The following ZNF138 variants were observed in gnomAD, a reference collection of about 807,000 sequenced individuals.
ZNF138 encodes zinc finger protein 138, also known as zinc finger protein 138 (clone pHZ-32).
In ZNF138, 33 loss-of-function variants were observed where a neutral mutation model predicts 33.0. The observed-to-expected ratio is 1.00, with a 90% confidence interval of 0.76 to 1.34. The LOEUF is 1.34. Ranked by LOEUF, ZNF138 falls within the 40% of genes most tolerant of loss-of-function variation. The pLI is 0.00. For synonymous variants in ZNF138, 139 were observed against 120.4 expected, an observed-to-expected ratio of 1.15 and a Z score of -1.01; for missense variants, 360 against 370.8, an observed-to-expected ratio of 0.97 and a Z score of 0.24.
intron 1 of ZNF138, among the ~76,000 whole-genome samples, chr7:64,806,737 T>C (rs902717522): frequency 6.6e-6 from 1 of 152,044 alleles, no homozygotes; most frequent in Admixed American, 6.5e-5. Context: ...AAAATTAAAC[T>C]AATAATGACA....
In ZNF138 at chr7:64,815,651, C is replaced by T. The variant is rs1788562738; in HGVS notation, c.206C>T (p.Ser69Leu). Residue 69 changes from serine to leucine, a missense_variant and splice_region_variant, in exon 3 of 4, where the codon TCA becomes TTA. Transcript: ENST00000307355. ...CATGAGATGGTGGTAGCCAAACATT[C>T]AGGTAGGTGAGAGTGAATACACAGA... ...KRHEMVVAKH[S>L]ALCSRFAQDL... The T allele has an allele frequency of 3.1e-6, 5 of 1,610,534 alleles. No individual in the cohort carries two copies. The highest frequency in any genetic ancestry group is 1.3e-5 in the African/African-American group (1 of 74,738).
chr7:64,817,189 A>G (rs1400753195), intron 3 of ZNF138, among the ~76,000 whole-genome samples: 1 of 152,204 alleles, frequency 6.6e-6, no homozygotes, highest in Non-Finnish European at 1.5e-5. Context: ...GAACTGAGTC[A>G]TTGAAATGCT....
intron 1 of ZNF138, among the ~76,000 whole-genome samples, chr7:64,809,155 G>A (rs1177092519): frequency 1.0e-3 from 123 of 121,848 alleles, no homozygotes; most frequent in African/African-American, 3.5e-3. Flanking sequence ...TTCCCAGTAG[G>A]GGCGGCCGGG....
At chr7:64,810,391 G>A (rs1310186575) in intron 1 of ZNF138, among the ~76,000 whole-genome samples, 1 of 125,058 alleles carries the variant, frequency 8.0e-6, no homozygotes, top group Non-Finnish European at 1.7e-5. Flanking sequence ...AGCCGAGATG[G>A]CAGCAGTACA....
downstream of ZNF138, among the ~76,000 whole-genome samples, chr7:64,837,496 A>AG (rs1790400286): frequency 1.3e-5 from 2 of 152,036 alleles, no homozygotes; most frequent in Non-Finnish European, 2.9e-5. Flanking sequence ...TGAAAGAGGA[A>AG]GGGGCGCCTG....
At chr7:64,857,991 ACTT>A in the ZNF138 span, among the ~76,000 whole-genome samples, 1 of 152,356 alleles carries the variant, frequency 6.6e-6, no homozygotes, top group Non-Finnish European at 1.5e-5. Flanking sequence ...TAATATTTTT[ACTT>A]CTTTTGACAG....
At chr7:64,858,909 A>T in the ZNF138 span, among the ~76,000 whole-genome samples, 1 of 152,142 alleles carries the variant, frequency 6.6e-6, no homozygotes, top group East Asian at 1.9e-4. Context: ...ATTTAGGTTG[A>T]TTCCATATCT....
downstream of ZNF138, among the ~76,000 whole-genome samples, chr7:64,837,113 G>T (rs1488915471): frequency 2.0e-5 from 3 of 152,176 alleles, no homozygotes; most frequent in Non-Finnish European, 2.9e-5. Flanking sequence ...GTCACATGGA[G>T]AATTCATGCG....
At chr7:64,834,945 A>G (rs1790318748), downstream of ZNF138, among the ~76,000 whole-genome samples, 1 of 152,372 alleles carries the variant, frequency 6.6e-6, no homozygotes, top group South Asian at 2.1e-4. Context: ...GAGGCGAGAC[A>G]AAGAGGGCAA....
rs1158580468 is a variant in ZNF138, at chr7:64,831,645, A to G, written c.403A>G (p.Thr135Ala). 2.3e-5 allele frequency: 37 copies of G among 1,608,514 alleles called. No homozygotes were observed. The highest frequency in any genetic ancestry group is 3.0e-5 in the Non-Finnish European group (35 of 1,178,004). ...ACTTAACCAATGTTTGAAAATTACC[A>G]CAAGCAAAATATTTCAATGTAATAA... ...NGLNQCLKIT[T>A]SKIFQCNKYV... The change falls in exon 4 of 4, where the codon ACA becomes GCA. Residue 135 changes from threonine (T) to alanine (A), a missense_variant. By Grantham distance (58) the Thr-to-Ala change is moderately conservative. Coordinates refer to ENST00000307355, the MANE Select transcript of ZNF138 (RefSeq NM_001271639.2).
At chr7:64,814,282 C>A in intron 1 of ZNF138, 1 of 318,686 alleles carries the variant, frequency 3.1e-6, no homozygotes, top group Non-Finnish European at 5.1e-6. Context: ...GTGCCTTTTC[C>A]ATCTGAAAAA....
intron 3 of ZNF138, among the ~76,000 whole-genome samples, chr7:64,829,696 T>A (rs73128364): frequency 8.5e-6 from 1 of 118,320 alleles, no homozygotes; most frequent in East Asian, 2.7e-4. Flanking sequence ...TTTATAAAAA[T>A]TTTTATGCTT....
intron 1 of ZNF138, among the ~76,000 whole-genome samples, chr7:64,805,121 G>A (rs917446298): frequency 7.9e-5 from 12 of 152,098 alleles, no homozygotes; most frequent in South Asian, 4.1e-4. Context: ...ACTGATGGCC[G>A]GGCGCAGTGG....
At chr7:64,852,635 A>T in the ZNF138 span, 1 of 1,445,132 alleles carries the variant, frequency 6.9e-7, no homozygotes, top group Non-Finnish European at 9.7e-7. Flanking sequence ...CGCCATGTTC[A>T]TCATCACCTC....
Position 64,832,922 on chromosome 7 carries a change from A to G in ZNF138, c.*720A>G, listed in dbSNP as rs1321231953. 2 of 387,336 alleles carry G rather than the reference A, an allele frequency of 5.2e-6. No homozygotes were observed. The highest frequency in any genetic ancestry group is 1.0e-5 in the Non-Finnish European group (2 of 192,470). The allele number at this position is 387,336 out of a possible 1,614,324, so 24.0% of individuals were successfully genotyped here. ...TTCACACTTGAATGAAACCCTACAA[A>G]TGTGAACGATGTGGCAGTTGTTTTA... On this transcript the variant is annotated 3_prime_UTR_variant, in exon 4 of 4. Coordinates refer to ENST00000307355, the MANE Select transcript of ZNF138 (RefSeq NM_001271639.2).
chr7:64,851,085 CA>C, the ZNF138 span, among the ~76,000 whole-genome samples: 1 of 152,114 alleles, frequency 6.6e-6, no homozygotes, highest in Non-Finnish European at 1.5e-5. Context: ...GCTTACCTAT[CA>C]TTTTTTTGTG....
chr7:64,813,594 C>T (rs62456824), intron 1 of ZNF138, among the ~76,000 whole-genome samples: 6,646 of 152,104 alleles, frequency 0.044, 207 homozygotes, highest in East Asian at 0.14. Context: ...CCACCACGCC[C>T]GGCTAATTTT....
chr7:64,799,161 ATCTTT>A (rs1039856552), intron 1 of ZNF138, among the ~76,000 whole-genome samples: 2 of 147,076 alleles, frequency 1.4e-5, no homozygotes, highest in African/African-American at 5.4e-5. Context: ...AATGATATTG[ATCTTT>A]TCTTTTCTTT....
the ZNF138 span, among the ~76,000 whole-genome samples, chr7:64,847,208 C>CCTGTAATT: frequency 4.0e-5 from 6 of 151,534 alleles, no homozygotes; most frequent in African/African-American, 1.5e-4. Context: ...CTTTGTGGCT[C>CCTGTAATT]ACACCTGTAA....
Sources: allele counts gnomAD v4.1 joint callset (sites outside exome capture counted in the v4.1 genomes callset), GRCh38; gene constraint gnomAD v4.1.1; transcripts MANE v1.5; gene names NCBI Gene and HGNC (gene_info 2026-07-23, HGNC 2026-07-21).